NALCN: variants seen among roughly 807,000 people sequenced by gnomAD.
The protein encoded by NALCN is sodium leak channel, non-selective, also known as sodium leak channel NALCN.
NALCN carries 111 observed loss-of-function variants against 225.3 expected under a neutral mutation model. The observed-to-expected ratio is 0.49, with a 90% CI of 0.42 to 0.58. The LOEUF (loss-of-function observed/expected upper bound fraction) is 0.58, where lower values mean the gene tolerates loss of function less well. Ranked by LOEUF, NALCN falls within the 20% of genes least tolerant of loss-of-function variation. NALCN has a pLI of 0.00. For synonymous variants in NALCN, 764 were observed against 769.0 expected (o/e 0.99, Z 0.11); for missense variants, 1,378 against 2,202.4 (o/e 0.63, Z 7.49).
intron 10 of NALCN, among the ~76,000 whole-genome samples, chr13:101,272,054 T>C (rs935162664): frequency 2.0e-5 from 3 of 151,866 alleles, no homozygotes; most frequent in African/African-American, 4.8e-5. Flanking sequence ...TGAGCGTGCA[T>C]GAGCATGTAT....
chr13:101,298,496 A>G (rs1213543855), intron 7 of NALCN, among the ~76,000 whole-genome samples: 2 of 152,002 alleles, frequency 1.3e-5, no homozygotes, highest in Non-Finnish European at 2.9e-5. Flanking sequence ...TAAGTTTTGT[A>G]TTTTTAGTAG....
intron 37 of NALCN, among the ~76,000 whole-genome samples, chr13:101,070,325 C>A (rs1264490662): frequency 6.6e-6 from 1 of 152,148 alleles, no homozygotes; most frequent in Non-Finnish European, 1.5e-5. Flanking sequence ...CTTGACCTCC[C>A]AAAGTGCTAG....
intron 35 of NALCN, 34 bp from the exon 36 acceptor site, chr13:101,074,696 G>C (rs1338632983): frequency 1.4e-5 from 16 of 1,182,144 alleles, no homozygotes; most frequent in Admixed American, 5.8e-5. Context: ...GGGAGACAGA[G>C]AGAGAGAGAG....
chr13:101,385,812 T>C (rs975342385), intron 3 of NALCN, among the ~76,000 whole-genome samples: 1 of 152,182 alleles, frequency 6.6e-6, no homozygotes, highest in Non-Finnish European at 1.5e-5. Flanking sequence ...TCACCAATTC[T>C]AAAACACACC....
At chr13:101,293,005 A>T (rs1255373249) in intron 7 of NALCN, among the ~76,000 whole-genome samples, 1 of 152,230 alleles carries the variant, frequency 6.6e-6, no homozygotes, top group Admixed American at 6.5e-5. Context: ...ATGTGGATAG[A>T]TTTTTTAACA....
At chr13:101,410,966 A>G (rs922634398) in intron 1 of NALCN, among the ~76,000 whole-genome samples, 1 of 152,116 alleles carries the variant, frequency 6.6e-6, no homozygotes, top group Non-Finnish European at 1.5e-5. Context: ...CATTACTGCA[A>G]TCTGATTCCA....
chr13:101,158,660 C>T (rs1566358915), intron 15 of NALCN, among the ~76,000 whole-genome samples: 1 of 152,306 alleles, frequency 6.6e-6, no homozygotes, highest in Middle Eastern at 3.4e-3. Context: ...CCTTTCACAA[C>T]CAACTCAGCT....
intron 7 of NALCN, among the ~76,000 whole-genome samples, chr13:101,336,649 CT>C (rs1191404365): frequency 6.6e-6 from 1 of 152,002 alleles, no homozygotes; most frequent in African/African-American, 2.4e-5. Context: ...TATAGAAAAG[CT>C]TTATAATTTT....
At chr13:101,330,023 A>G (rs2045104475) in intron 7 of NALCN, among the ~76,000 whole-genome samples, 2 of 151,156 alleles carry the variant, frequency 1.3e-5, no homozygotes, top group South Asian at 4.2e-4. Context: ...TGGGTGACAG[A>G]GAGAGACTGT....
At chr13:101,291,942 C>A (rs1387602457) in intron 9 of NALCN, 48 bp downstream of exon 9, 2 of 1,571,312 alleles carry the variant, frequency 1.3e-6, no homozygotes, top group East Asian at 2.3e-5. Flanking sequence ...GAGGGTGAGA[C>A]ATGTGCATGC....
chr13:101,184,902 T>G (rs1032828904), intron 14 of NALCN, among the ~76,000 whole-genome samples: 6 of 152,200 alleles, frequency 3.9e-5, no homozygotes, highest in African/African-American at 1.4e-4. Flanking sequence ...TATGATTTTT[T>G]TCCTTTTATA....
intron 17 of NALCN, among the ~76,000 whole-genome samples, chr13:101,126,641 C>T (rs1000135451): frequency 6.6e-6 from 1 of 151,920 alleles, no homozygotes; most frequent in Admixed American, 6.6e-5. Flanking sequence ...TACAGGTGCC[C>T]GCCACCATGC....
chr13:101,234,385 G>A (rs1479723822), intron 12 of NALCN, among the ~76,000 whole-genome samples: 1 of 152,164 alleles, frequency 6.6e-6, no homozygotes, highest in Non-Finnish European at 1.5e-5. Flanking sequence ...TATTTTAAAG[G>A]AAGCCACTTT....
chr13:101,349,892 A>G (rs1594722943), intron 6 of NALCN, among the ~76,000 whole-genome samples: 1 of 152,136 alleles, frequency 6.6e-6, no homozygotes, highest in East Asian at 1.9e-4. Context: ...GAAATCCTAA[A>G]CCAGAGTTCC....
chr13:101,135,862 T>C (rs1342657389), intron 17 of NALCN, among the ~76,000 whole-genome samples: 5 of 152,164 alleles, frequency 3.3e-5, no homozygotes, highest in Admixed American at 3.3e-4. Flanking sequence ...ATTTCCAAGA[T>C]AGATTTAGCA....
intron 9 of NALCN, among the ~76,000 whole-genome samples, chr13:101,289,905 C>T (rs1448103981): frequency 6.6e-6 from 1 of 152,174 alleles, no homozygotes; most frequent in Non-Finnish European, 1.5e-5. Context: ...AGAGGGCCCA[C>T]TCGCAAGTGG....
At chr13:101,345,717 TCTAA>T (rs1209060657) in intron 6 of NALCN, among the ~76,000 whole-genome samples, 18 of 125,400 alleles carry the variant, frequency 1.4e-4, no homozygotes, top group African/African-American at 5.8e-4. Context: ...TATCTATCTA[TCTAA>T]GAGTACAGCA....
chr13:101,117,052 C>T (rs1283214320), intron 18 of NALCN: 2 of 470,396 alleles, frequency 4.3e-6, no homozygotes, highest in Non-Finnish European at 8.5e-6. Flanking sequence ...GGATACCCCA[C>T]TCCTTTGTGA....
intron 28 of NALCN, among the ~76,000 whole-genome samples, chr13:101,091,441 G>A (rs376364970): frequency 6.6e-6 from 1 of 152,096 alleles, no homozygotes. Flanking sequence ...AAATAGATGA[G>A]GATATAAGAA....
Sources: allele counts gnomAD v4.1 joint callset (sites outside exome capture counted in the v4.1 genomes callset), GRCh38; gene constraint gnomAD v4.1.1; transcripts MANE v1.5; gene names NCBI Gene and HGNC (gene_info 2026-07-23, HGNC 2026-07-21).